ITPR2: variants seen among roughly 807,000 people sequenced by gnomAD.
ITPR2 encodes the protein inositol 1,4,5-trisphosphate receptor type 2, also known as inositol 1,4,5-trisphosphate-gated calcium channel ITPR2.
ITPR2 carries 207 observed loss-of-function variants against 317.1 expected under a neutral mutation model. The observed-to-expected ratio is 0.65, with a 90% confidence interval of 0.58 to 0.73. The LOEUF is 0.73. Among genes scored for constraint, ITPR2 ranks in the 30% least tolerant of loss-of-function variants. ITPR2 has a pLI of 0.00. For synonymous variants in ITPR2, 1,156 were observed against 1,149.1 expected (o/e 1.01, Z -0.12); for missense variants, 2,613 against 3,284.0 (o/e 0.80, Z 4.99).
chr12:26,621,311 T>C lies in ITPR2; in HGVS notation c.3289-15A>G. 1 of 1,583,396 alleles carries C rather than the reference T, an allele frequency of 6.3e-7. No homozygotes were observed. Among genetic ancestry groups the C allele is most frequent in the Non-Finnish European group, 8.6e-7 (1 of 1,160,290 alleles). ...AGTAATTGCACCTAAAACAGAAGAA[T>C]TTCAATCTTAGTTGAAGTTCACTAT... On this transcript the variant is annotated splice_polypyrimidine_tract_variant and intron_variant, in intron 25 of 56. Coordinates refer to ENST00000381340, the MANE Select transcript of ITPR2 (RefSeq NM_002223.4).
At chr12:26,569,194 G>T (rs1223639902) in intron 34 of ITPR2, among the ~76,000 whole-genome samples, 4 of 151,904 alleles carry the variant, frequency 2.6e-5, no homozygotes, top group Non-Finnish European at 5.9e-5. Context: ...AACCTTAAAA[G>T]CCTAAAAGAA....
At chr12:26,346,246 C>T (rs1938302811) in intron 55 of ITPR2, among the ~76,000 whole-genome samples, 1 of 152,176 alleles carries the variant, frequency 6.6e-6, no homozygotes, top group Non-Finnish European at 1.5e-5. Context: ...ATCTATTTCT[C>T]TGGGCAATTA....
At chr12:26,604,885 G>T (rs1183786031) in intron 26 of ITPR2, among the ~76,000 whole-genome samples, 1 of 152,036 alleles carries the variant, frequency 6.6e-6, no homozygotes, top group Non-Finnish European at 1.5e-5. Context: ...CACAAGGTCA[G>T]GAGTTCGAGA....
chr12:26,420,989 A>G (rs1469828842), intron 49 of ITPR2, among the ~76,000 whole-genome samples: 2 of 152,182 alleles, frequency 1.3e-5, no homozygotes, highest in Non-Finnish European at 2.9e-5. Flanking sequence ...AATAAAATAA[A>G]TAATTGGAGT....
Position 26,666,791 on chromosome 12 carries a change from T to G in ITPR2, c.1410-740A>C, listed in dbSNP as rs149406087. On this transcript the variant is annotated intron_variant, in intron 13 of 56. Coordinates refer to ENST00000381340, the MANE Select transcript of ITPR2 (RefSeq NM_002223.4). ...AACTATTACTTGAACTTCAGTGGCATGTAGTACAGGAAATGTCTTGAAAGC... is the reference window on the plus strand; with the variant it reads ...AACTATTACTTGAACTTCAGTGGCAGGTAGTACAGGAAATGTCTTGAAAGC... Among the ~76,000 whole-genome samples, 6 of 152,344 alleles carry G rather than the reference T, an allele frequency of 3.9e-5. No homozygotes were observed. In the South Asian group the frequency reaches 1.2e-3, roughly 32 times the overall value.
chr12:26,763,881 G>A (rs1204723143), intron 2 of ITPR2, among the ~76,000 whole-genome samples: 3 of 151,870 alleles, frequency 2.0e-5, no homozygotes, highest in Admixed American at 2.0e-4. Context: ...GTGGAAATTT[G>A]GTATCCATCT....
At chr12:26,628,195 T>G in intron 22 of ITPR2, 33 bp from the exon 23 acceptor site, 1 of 1,543,614 alleles carries the variant, frequency 6.5e-7, no homozygotes, top group Non-Finnish European at 8.8e-7. Flanking sequence ...CATAAATTTC[T>G]TTCATTAGCA....
At chr12:26,548,253 T>A (rs1944435724) in intron 37 of ITPR2, among the ~76,000 whole-genome samples, 1 of 152,210 alleles carries the variant, frequency 6.6e-6, no homozygotes, top group South Asian at 2.1e-4. Context: ...ATTTTTGCAA[T>A]CTATGATTCC....
chr12:26,685,757 C>T (rs1457978045), intron 11 of ITPR2, among the ~76,000 whole-genome samples: 2 of 152,188 alleles, frequency 1.3e-5, no homozygotes, highest in African/African-American at 4.8e-5. Flanking sequence ...TCCTTAAAAA[C>T]ACCCAGTAAA....
At chr12:26,422,490 C>G (rs994300977) in intron 49 of ITPR2, among the ~76,000 whole-genome samples, 1 of 152,130 alleles carries the variant, frequency 6.6e-6, no homozygotes, top group Non-Finnish European at 1.5e-5. Flanking sequence ...TCAATCTTGG[C>G]TATGCTACTA....
At chr12:26,441,519 G>A (rs1941487886) in intron 46 of ITPR2, among the ~76,000 whole-genome samples, 1 of 152,130 alleles carries the variant, frequency 6.6e-6, no homozygotes, top group African/African-American at 2.4e-5. Flanking sequence ...AAACTGCTGT[G>A]GAAGCATACA....
chr12:26,666,162 A>ATAGATAGATAGATAGATAGATAGATAGAT (rs34107444), intron 13 of ITPR2, 111 bp from the exon 14 acceptor site: 10,245 of 400,254 alleles, frequency 0.026, 140 homozygotes, highest in Admixed American at 0.039. Flanking sequence ...AGATAGATAG[A>ATAGATAGATAGATAGATAGATAGATAGAT]TTTTTTTTTA....
chr12:26,788,005 A>C (rs1592132597), intron 2 of ITPR2, among the ~76,000 whole-genome samples: 1 of 149,708 alleles, frequency 6.7e-6, no homozygotes, highest in African/African-American at 2.5e-5. Context: ...GCTCACTGCA[A>C]CCTCTGCCTC....
At chr12:26,464,432 C>T (rs1013314692) in intron 45 of ITPR2, among the ~76,000 whole-genome samples, 10 of 152,120 alleles carry the variant, frequency 6.6e-5, no homozygotes, top group East Asian at 1.9e-4. Context: ...AATCTAATAG[C>T]GCCACTGATC....
intron 37 of ITPR2, among the ~76,000 whole-genome samples, chr12:26,531,514 C>T (rs1180768780): frequency 2.0e-5 from 3 of 152,212 alleles, no homozygotes; most frequent in African/African-American, 4.8e-5. Context: ...TAAAGCAATG[C>T]TCTGACAATT....
intron 15 of ITPR2, among the ~76,000 whole-genome samples, chr12:26,661,293 A>AGG (rs1947496300): frequency 3.6e-4 from 3 of 8,254 alleles, no homozygotes; most frequent in African/African-American, 5.6e-4. Context: ...GGGGGGTGGG[A>AGG]GGGAACGGGC....
chr12:26,369,579 A>G (rs1363294947), intron 55 of ITPR2, among the ~76,000 whole-genome samples: 1 of 152,264 alleles, frequency 6.6e-6, no homozygotes, highest in Non-Finnish European at 1.5e-5. Flanking sequence ...ATTAAAAAGC[A>G]ACAAATGAAT....
At chr12:26,738,617 G>A (rs1480168165) in intron 2 of ITPR2, among the ~76,000 whole-genome samples, 2 of 152,040 alleles carry the variant, frequency 1.3e-5, no homozygotes, top group South Asian at 4.2e-4. Context: ...GAAGGGGGTT[G>A]TTTTTGTTTT....
At chr12:26,388,661 C>T (rs891756393) in intron 54 of ITPR2, among the ~76,000 whole-genome samples, 8 of 151,830 alleles carry the variant, frequency 5.3e-5, no homozygotes, top group African/African-American at 1.9e-4. Context: ...GATGGAGCTT[C>T]ACAATGTTGC....
Sources: gnomAD v4.1 joint callset for allele counts (sites outside exome capture counted in the v4.1 genomes callset) on GRCh38, gnomAD v4.1.1 for gene constraint, MANE v1.5 for transcripts, NCBI Gene and HGNC (gene_info 2026-07-23, HGNC 2026-07-21) for gene names.